The following SCHIP1 variants were observed in gnomAD, a reference collection of about 807,000 sequenced individuals.
SCHIP1 encodes schwannomin-interacting protein 1.
A neutral mutation model predicts 29.7 loss-of-function variants in SCHIP1; 8 were observed. The observed-to-expected ratio is 0.27, with a 90% CI of 0.16 to 0.49. SCHIP1 has a LOEUF of 0.49. SCHIP1 is among the 20% of genes least tolerant of loss of function. The pLI, the probability that SCHIP1 is intolerant of heterozygous loss-of-function variation, is 0.99. For synonymous variants in SCHIP1, 76 were observed against 94.9 expected (o/e 0.80, Z 1.16); for missense variants, 193 against 294.6 (o/e 0.66, Z 2.52).
intron 2 of SCHIP1, among the ~76,000 whole-genome samples, chr3:159,877,440 G>A (rs1191719200): frequency 2.0e-5 from 3 of 152,152 alleles, no homozygotes; most frequent in African/African-American, 4.8e-5. Flanking sequence ...TCTTTTTCAC[G>A]ACTGCGTAGA....
At chr3:159,692,139 C>T in the SCHIP1 span, among the ~76,000 whole-genome samples, 1 of 150,220 alleles carries the variant, frequency 6.7e-6, no homozygotes, top group Non-Finnish European at 1.5e-5. Context: ...CGACCTTTCT[C>T]TCTGGCTGCC....
the SCHIP1 span, among the ~76,000 whole-genome samples, chr3:159,327,257 C>T: frequency 6.6e-6 from 1 of 152,112 alleles, no homozygotes; most frequent in Non-Finnish European, 1.5e-5. Flanking sequence ...CTTGTCCCAT[C>T]CTCCTCTTCC....
chr3:159,626,722 T>C, the SCHIP1 span, among the ~76,000 whole-genome samples: 1 of 152,286 alleles, frequency 6.6e-6, no homozygotes, highest in Admixed American at 6.5e-5. Flanking sequence ...ATGTGAGGAT[T>C]CTACAGGCTG....
chr3:159,290,843 A>T, the SCHIP1 span, among the ~76,000 whole-genome samples: 1 of 152,132 alleles, frequency 6.6e-6, no homozygotes, highest in Non-Finnish European at 1.5e-5. Flanking sequence ...AGGAATCAAG[A>T]TTTTTAGATA....
chr3:159,805,198 G>T, the SCHIP1 span, among the ~76,000 whole-genome samples: 2 of 152,190 alleles, frequency 1.3e-5, no homozygotes, highest in Admixed American at 1.3e-4. Flanking sequence ...CTAAAAGAAG[G>T]AGAGTGGTGT....
chr3:159,517,473 T>TC, the SCHIP1 span, among the ~76,000 whole-genome samples: 1 of 152,132 alleles, frequency 6.6e-6, no homozygotes. Flanking sequence ...AACTGTTTTT[T>TC]CAAAAAAATT....
chr3:159,853,431 T>C, intron 1 of SCHIP1: 3 of 698,796 alleles, frequency 4.3e-6, no homozygotes, highest in Admixed American at 2.0e-5. Flanking sequence ...AGAATCCTCA[T>C]TGGATATGGA....
the SCHIP1 span, among the ~76,000 whole-genome samples, chr3:159,362,108 G>A: frequency 6.6e-6 from 1 of 152,102 alleles, no homozygotes; most frequent in Non-Finnish European, 1.5e-5. Context: ...GATTAGCCTG[G>A]AGCCTTCCAA....
chr3:159,661,347 C>T, the SCHIP1 span, among the ~76,000 whole-genome samples: 30 of 129,366 alleles, frequency 2.3e-4, 2 homozygotes, highest in East Asian at 3.2e-3. Context: ...ACATAAATGA[C>T]TTTTTTCCTG....
At chr3:159,343,657 A>G in the SCHIP1 span, among the ~76,000 whole-genome samples, 1 of 152,260 alleles carries the variant, frequency 6.6e-6, no homozygotes, top group South Asian at 2.1e-4. Context: ...CCAAGTCCCA[A>G]GTCACTGGAG....
At chr3:159,583,547 T>G in the SCHIP1 span, among the ~76,000 whole-genome samples, 1 of 152,160 alleles carries the variant, frequency 6.6e-6, no homozygotes, top group African/African-American at 2.4e-5. Context: ...TGACTTCAGC[T>G]GGAAAAGGTG....
At chr3:159,283,613 C>T in the SCHIP1 span, among the ~76,000 whole-genome samples, 2 of 152,054 alleles carry the variant, frequency 1.3e-5, no homozygotes, top group African/African-American at 4.8e-5. Flanking sequence ...TATTTCCTTC[C>T]TTTTGTTCCA....
the SCHIP1 span, among the ~76,000 whole-genome samples, chr3:159,694,360 A>G: frequency 6.6e-6 from 1 of 152,044 alleles, no homozygotes; most frequent in African/African-American, 2.4e-5. Flanking sequence ...TCTCTACCAA[A>G]AATACAAAAA....
the SCHIP1 span, among the ~76,000 whole-genome samples, chr3:159,737,925 C>G: frequency 1.3e-5 from 2 of 152,210 alleles, no homozygotes; most frequent in Non-Finnish European, 2.9e-5. Flanking sequence ...TTGCTGTCCC[C>G]ACATGATGCT....
At chr3:159,337,451 T>C in the SCHIP1 span, among the ~76,000 whole-genome samples, 9 of 152,258 alleles carry the variant, frequency 5.9e-5, no homozygotes, top group African/African-American at 2.2e-4. Flanking sequence ...GAAAACCCCA[T>C]TGTCTCAGCC....
At chr3:159,712,262 G>T in the SCHIP1 span, among the ~76,000 whole-genome samples, 2 of 152,176 alleles carry the variant, frequency 1.3e-5, no homozygotes, top group African/African-American at 4.8e-5. Flanking sequence ...AGCCTCTGGG[G>T]GTGGGGAGTG....
At chr3:159,673,508 CAT>C in the SCHIP1 span, among the ~76,000 whole-genome samples, 1 of 152,174 alleles carries the variant, frequency 6.6e-6, no homozygotes, top group African/African-American at 2.4e-5. Context: ...CACCTGATTC[CAT>C]ATCTCTTGTC....
At chr3:159,428,962 C>G in the SCHIP1 span, among the ~76,000 whole-genome samples, 15 of 150,756 alleles carry the variant, frequency 9.9e-5, no homozygotes, top group South Asian at 3.1e-3. Context: ...AGCCAAACAC[C>G]GCATGTTCTC....
chr3:159,608,187 A>G, the SCHIP1 span, among the ~76,000 whole-genome samples: 1 of 152,226 alleles, frequency 6.6e-6, no homozygotes, highest in African/African-American at 2.4e-5. Context: ...TGTATCTGCT[A>G]TTGGTCAAGG....
Sources: gnomAD v4.1 joint callset for allele counts (sites outside exome capture counted in the v4.1 genomes callset) on GRCh38, gnomAD v4.1.1 for gene constraint, MANE v1.5 for transcripts, NCBI Gene and HGNC (gene_info 2026-07-23, HGNC 2026-07-21) for gene names.